The following MACF1 variants were observed in gnomAD, a reference collection of about 807,000 sequenced individuals.
The protein encoded by MACF1 is microtubule actin crosslinking factor 1, also known as microtubule-actin cross-linking factor 1.
MACF1 carries 193 observed loss-of-function variants against 854.8 expected under a neutral mutation model. The observed-to-expected ratio is 0.23, with a 90% CI of 0.20 to 0.25. MACF1 has a LOEUF of 0.25. MACF1 is among the 10% of genes least tolerant of loss of function. MACF1 has a pLI of 1.00. For missense variants in MACF1, 7,722 were observed against 8,929.1 expected, an observed-to-expected ratio of 0.86 and a Z score of 5.45; for synonymous variants, 3,185 against 3,226.7, an observed-to-expected ratio of 0.99 and a Z score of 0.44.
intron 49 of MACF1, among the ~76,000 whole-genome samples, chr1:39,363,650 C>T (rs1474538550): frequency 6.8e-6 from 1 of 148,112 alleles, no homozygotes; most frequent in African/African-American, 2.5e-5. Context: ...CGCTCTGTTG[C>T]CCAGGCTGAA....
Position 39,333,105 on chromosome 1 carries a change from G to T in MACF1, c.6517G>T (p.Glu2173Ter). The T allele has an allele frequency of 6.2e-7, 1 of 1,614,068 alleles. No homozygotes were observed. Among genetic ancestry groups the T allele is most frequent in the South Asian group, 1.1e-5 (1 of 91,068 alleles). The change falls in exon 37 of 101, where the codon GAA (glutamate) becomes TAA (stop). Residue 2173 changes from glutamate to a stop codon, truncating the protein, a stop_gained. Transcript: ENST00000564288. LOFTEE classifies it high-confidence loss of function. ...LRNTSFTCQN[E>*]QAHTLETEYI... ...AAACACTTCCTTTACATGTCAGAAT[G>T]AACAAGCACACACTCTTGAGACTGA...
chr1:39,470,197 A>G (rs1321022617), intron 97 of MACF1, among the ~76,000 whole-genome samples: 1 of 152,248 alleles, frequency 6.6e-6, no homozygotes, highest in Non-Finnish European at 1.5e-5. Flanking sequence ...TTATAGTCAT[A>G]TTCTGAAGCA....
intron 23 of MACF1, among the ~76,000 whole-genome samples, chr1:39,303,338 A>G (rs950602972): frequency 6.6e-6 from 1 of 152,158 alleles, no homozygotes; most frequent in Non-Finnish European, 1.5e-5. Flanking sequence ...TACTCTCAGA[A>G]GATTGATTTT....
chr1:39,094,935 T>A (rs1261957477), intron 2 of MACF1, among the ~76,000 whole-genome samples: 1 of 151,732 alleles, frequency 6.6e-6, no homozygotes, highest in Non-Finnish European at 1.5e-5. Flanking sequence ...AGGATACAGG[T>A]GAAGAGATGC....
In MACF1 at chr1:39,105,136, G is replaced by T. The variant is rs1309289512; in HGVS notation, c.220+20698G>T. ...ACCCAGCGGGACTCCCGCGTGGGCC[G>T]GCCTCTCGCGCCCCTCGGCTCGGGC... On this transcript the variant is annotated intron_variant, in intron 2 of 93. Coordinates refer to the MACF1 transcript ENST00000361689. The surrounding 1 kb of genome is among the most constrained non-coding windows in gnomAD (Gnocchi z 5.9). Among the ~76,000 whole-genome samples the T allele has an allele frequency of 6.6e-6, 1 of 151,976 alleles. No homozygotes were observed. The highest frequency in any genetic ancestry group is 2.4e-5 in the African/African-American group (1 of 41,428).
At chr1:39,319,627 A>G (rs201302482) in intron 30 of MACF1, 37 bp from the exon 31 acceptor site, 4 of 1,344,672 alleles carry the variant, frequency 3.0e-6, no homozygotes, top group African/African-American at 2.9e-5. Context: ...CAATGGTGGT[A>G]ATGGCAATGA....
chr1:39,289,952 G>A (rs1455118902), intron 15 of MACF1, among the ~76,000 whole-genome samples: 11 of 151,742 alleles, frequency 7.2e-5, no homozygotes, highest in African/African-American at 1.7e-4. Flanking sequence ...CACCCGTCTC[G>A]GCCTCCCAAA....
chr1:39,472,650 A>G (rs369767390), intron 97 of MACF1, among the ~76,000 whole-genome samples: 131 of 152,358 alleles, frequency 8.6e-4, no homozygotes, highest in African/African-American at 3.1e-3. Context: ...GAGTTGTAGC[A>G]TATTAAGCTA....
intron 2 of MACF1, among the ~76,000 whole-genome samples, chr1:39,131,698 C>G (rs1420539823): frequency 6.6e-6 from 1 of 152,116 alleles, no homozygotes; most frequent in East Asian, 1.9e-4. Flanking sequence ...GTATGCTTAG[C>G]ATATTTAATT....
intron 35 of MACF1, 62 bp from the exon 36 acceptor site, chr1:39,327,147 TGAAGCAATA>T: frequency 7.0e-7 from 1 of 1,420,976 alleles, no homozygotes; most frequent in South Asian, 1.5e-5. Flanking sequence ...GTAGCAATTT[TGAAGCAATA>T]GAGCAGAGTT....
intron 6 of MACF1, among the ~76,000 whole-genome samples, chr1:39,270,959 G>C (rs1332178811): frequency 1.3e-5 from 2 of 152,178 alleles, no homozygotes; most frequent in Non-Finnish European, 2.9e-5. Flanking sequence ...ACTCCCAACA[G>C]GTTGAAGAAA....
chr1:39,231,463 T>G (rs1284924345), intron 2 of MACF1, among the ~76,000 whole-genome samples: 1 of 152,220 alleles, frequency 6.6e-6, no homozygotes, highest in East Asian at 1.9e-4. Flanking sequence ...GCAATCCTAC[T>G]GCCTCAGCCT....
At chr1:39,244,092 AT>A (rs1355187379) in intron 2 of MACF1, among the ~76,000 whole-genome samples, 1 of 151,058 alleles carries the variant, frequency 6.6e-6, no homozygotes, top group East Asian at 1.9e-4. Flanking sequence ...AGTTTTATTT[AT>A]TTATTTTTTA....
chr1:39,268,843 A>G (rs1645268365), intron 6 of MACF1: 1 of 1,289,704 alleles, frequency 7.8e-7, no homozygotes, highest in Non-Finnish European at 1.0e-6. Flanking sequence ...TCTCACCAGG[A>G]AGAAACCTCA....
intron 3 of MACF1, chr1:39,250,335 G>T: frequency 5.8e-6 from 2 of 342,180 alleles, no homozygotes; most frequent in Admixed American, 4.6e-5. Flanking sequence ...TGAGAAATTA[G>T]TTATAATCCT....
intron 58 of MACF1, among the ~76,000 whole-genome samples, chr1:39,403,985 C>T (rs149014004): frequency 0.02 from 2,998 of 151,760 alleles, 105 homozygotes; most frequent in African/African-American, 0.07. Context: ...AAAAATTAGC[C>T]AGGTGTGGTG....
rs77733191 is a variant in MACF1, at chr1:39,371,494, G to A, written c.13096-985G>A. Among the ~76,000 whole-genome samples the A allele has an allele frequency of 5.9e-3, 899 of 152,210 alleles. 7 individuals carry two copies. The highest frequency in any genetic ancestry group is 0.017 in the Middle Eastern group (5 of 294). On this transcript the variant is annotated intron_variant, in intron 51 of 100. Transcript: ENST00000564288. ...TTCAGTATGGAGGAGGGCAATGAAG[G>A]CTAGAATGGTGTCCTTTCTCTGAAA...
Position 39,303,856 on chromosome 1 carries a change from G to A in MACF1, c.2789+778G>A, listed in dbSNP as rs530288608. 3.8e-3 allele frequency among the ~76,000 whole-genome samples: 563 copies of A among 149,684 alleles called. 1 individual carries two copies. Among genetic ancestry groups the A allele is most frequent in the Non-Finnish European group, 5.7e-3 (386 of 67,578 alleles). On this transcript the variant is annotated intron_variant, in intron 23 of 100. Coordinates refer to ENST00000564288, the MANE Select transcript of MACF1 (RefSeq NM_001394062.1). Reference sequence around the variant, plus strand: ...TGCACCACTGCACTCCAGCCTGGGCGACAAAGGGAGACTCCGTCTCAAAAA... The same window carrying A: ...TGCACCACTGCACTCCAGCCTGGGCAACAAAGGGAGACTCCGTCTCAAAAA...
At chr1:39,328,496 A>G (rs1276501517) in intron 36 of MACF1, 1 of 152,242 alleles carries the variant, frequency 6.6e-6, no homozygotes. Flanking sequence ...TGATTAACTG[A>G]CATCCTTGCT....
Sources: gnomAD v4.1 joint callset for allele counts (sites outside exome capture counted in the v4.1 genomes callset) on GRCh38, gnomAD v4.1.1 for gene constraint, Gnocchi (gnomAD v3.1) non-coding constraint, MANE v1.5 for transcripts, NCBI Gene and HGNC (gene_info 2026-07-23, HGNC 2026-07-21) for gene names.